Variants in NECAP2 observed in about 807,000 individuals in gnomAD.
NECAP2 encodes adaptin ear-binding coat-associated protein 2.
Under a neutral mutation model 37.8 loss-of-function variants are expected in NECAP2, and 38 were observed. The observed-to-expected ratio is 1.01, with a 90% confidence interval of 0.78 to 1.32. The LOEUF is 1.32. Among genes scored for constraint, NECAP2 ranks in the 40% most tolerant of loss-of-function variants. The pLI is 0.00. For missense variants in NECAP2, 316 were observed against 334.5 expected, an observed-to-expected ratio of 0.94 and a Z score of 0.43; for synonymous variants, 121 against 127.7, an observed-to-expected ratio of 0.95 and a Z score of 0.35.
chr1:16,444,092 C>T (rs554811347), intron 2 of NECAP2, among the ~76,000 whole-genome samples: 7 of 152,264 alleles, frequency 4.6e-5, no homozygotes, highest in Admixed American at 4.6e-4. Flanking sequence ...GCTCTGCTTC[C>T]TACTGAGGAA....
chr1:16,456,902 A>G (rs181820334), intron 7 of NECAP2, among the ~76,000 whole-genome samples: 3 of 152,084 alleles, frequency 2.0e-5, no homozygotes, highest in African/African-American at 7.2e-5. Flanking sequence ...GGGTTTTGCC[A>G]TGTTGCGCAG....
chr1:16,459,002 T>C lies in NECAP2; in HGVS notation c.*112T>C. On this transcript the variant is annotated 3_prime_UTR_variant, in exon 8 of 8. Coordinates refer to ENST00000337132, the MANE Select transcript of NECAP2 (RefSeq NM_018090.5). ...GGCCTGTGTTTGGGGCATGAATCTC[T>C]CCTCTCCTCCTTGTCTGGCTCTGTT... is the stretch of plus-strand genomic sequence containing the variant. The C allele has an allele frequency of 2.5e-6, 4 of 1,586,278 alleles. No individual in the cohort carries two copies. In the African/African-American group the frequency reaches 4.1e-5, roughly 16 times the overall value.
At chr1:16,452,595 GA>G (rs1408677143) in intron 6 of NECAP2, among the ~76,000 whole-genome samples, 1 of 152,110 alleles carries the variant, frequency 6.6e-6, no homozygotes, top group African/African-American at 2.4e-5. Context: ...TGAGTGGTGG[GA>G]AATGAGATTT....
Position 16,453,557 on chromosome 1 carries a change from C to G in NECAP2, c.667+1542C>G, listed in dbSNP as rs916512573. 2.0e-5 allele frequency among the ~76,000 whole-genome samples: 3 copies of G among 152,024 alleles called. 1 individual carries two copies. The South Asian group carries it at 6.2e-4, about 31-fold the overall frequency. ...AGGCTGGAGAGCAGTGGCATGTTCT[C>G]GGCTCACCGCAACCTCCACCTCCTG... On this transcript the variant is annotated intron_variant, in intron 6 of 7. Coordinates refer to ENST00000337132, the MANE Select transcript of NECAP2 (RefSeq NM_018090.5).
chr1:16,457,974 G>A (rs1206128084), intron 7 of NECAP2, among the ~76,000 whole-genome samples: 1 of 152,034 alleles, frequency 6.6e-6, no homozygotes, highest in Non-Finnish European at 1.5e-5. Context: ...GCCTCCCAGA[G>A]TGCTGGGATT....
At chr1:16,454,847 G>A (rs1008217073) in intron 6 of NECAP2, among the ~76,000 whole-genome samples, 4 of 152,102 alleles carry the variant, frequency 2.6e-5, no homozygotes, top group East Asian at 1.9e-4. Context: ...TATTAATATC[G>A]TTATTGCCAC....
At chr1:16,452,222 CCT>C (rs1021658158) in intron 6 of NECAP2, among the ~76,000 whole-genome samples, 1 of 152,228 alleles carries the variant, frequency 6.6e-6, no homozygotes, top group Non-Finnish European at 1.5e-5. Flanking sequence ...TCTGCCCTCC[CCT>C]GAGAGGCCAG....
chr1:16,451,467 A>C (rs2086841304), intron 5 of NECAP2: 1 of 197,470 alleles, frequency 5.1e-6, no homozygotes, highest in Non-Finnish European at 1.0e-5. Flanking sequence ...ATAATTTTTC[A>C]AAGTAGTTTT....
chr1:16,453,109 CT>C (rs977932724), intron 6 of NECAP2, among the ~76,000 whole-genome samples: 641 of 141,180 alleles, frequency 4.5e-3, no homozygotes, highest in African/African-American at 6.2e-3. Flanking sequence ...ATTCTTGTGT[CT>C]TTTTTTTTTT....
At chr1:16,447,827 A>AG (rs762222617) in intron 2 of NECAP2, 43 bp from the exon 3 acceptor site, 1 of 1,543,242 alleles carries the variant, frequency 6.5e-7, no homozygotes, top group Non-Finnish European at 9.0e-7. Flanking sequence ...CTTGGCTGGA[A>AG]GGGGGCTCAG....
In NECAP2 at chr1:16,459,731, A is replaced by G. The variant is rs2086987464; in HGVS notation, c.*841A>G. 1 of 152,210 alleles carries G rather than the reference A, an allele frequency of 6.6e-6. No individual in the cohort carries two copies. The highest frequency in any genetic ancestry group is 2.4e-5 in the African/African-American group (1 of 41,400). 9.4% of individuals were successfully genotyped at this position (152,210 alleles called of 1,614,324 possible). On this transcript the variant is annotated 3_prime_UTR_variant, in exon 8 of 8. Transcript: ENST00000337132. ...TTGTCATGGAGCTGTGGGAGTTGGC[A>G]CTCTGTCTGCTGGTGGCCCTCTCGG...
chr1:16,454,952 A>G (rs279786), intron 6 of NECAP2, among the ~76,000 whole-genome samples: 107,254 of 152,066 alleles, frequency 0.71, 38,206 homozygotes, highest in African/African-American at 0.73. Context: ...TTTAGAGGTA[A>G]GAGAATGGAA....
intron 5 of NECAP2, chr1:16,449,912 G>A: frequency 4.1e-6 from 1 of 242,086 alleles, no homozygotes; most frequent in South Asian, 4.4e-5. Context: ...CCTTTACCTG[G>A]CTGCAAGGGT....
rs765472748 is a variant in NECAP2, at chr1:16,460,004, C to G, written c.*1114C>G. 3 of 152,012 alleles carry G rather than the reference C, an allele frequency of 2.0e-5. No homozygotes were observed. Among genetic ancestry groups the G allele is most frequent in the African/African-American group, 7.3e-5 (3 of 41,368 alleles). 9.4% of individuals were successfully genotyped at this position (152,012 alleles called of 1,614,324 possible). A position where few individuals can be genotyped will look rare whatever the true frequency, so the allele number is the denominator to read the frequency against. ...GATTTCTTCTTTGAAAGGTCAAGAC[C>G]GTGAACTGAAAAAAGTGTTGGCCTT... On this transcript the variant is annotated 3_prime_UTR_variant, in exon 8 of 8. Coordinates refer to ENST00000337132, the MANE Select transcript of NECAP2 (RefSeq NM_018090.5).
intron 7 of NECAP2, 42 bp downstream of exon 7, chr1:16,455,935 C>A: frequency 2.7e-6 from 4 of 1,479,564 alleles, no homozygotes; most frequent in Non-Finnish European, 2.8e-6. Flanking sequence ...GGGCCAGGGC[C>A]GTTGCTCTAC....
chr1:16,448,444 CCA>C, intron 4 of NECAP2: 1 of 428,904 alleles, frequency 2.3e-6, no homozygotes, highest in Non-Finnish European at 4.3e-6. Context: ...GCCTGCTCCT[CCA>C]TGTAATCAAT....
At chr1:16,449,245 G>A in intron 5 of NECAP2, 44 bp downstream of exon 5, 1 of 1,371,990 alleles carries the variant, frequency 7.3e-7, no homozygotes. Flanking sequence ...GATACTTGTG[G>A]CCACCCAGCC....
At chr1:16,446,942 C>A (rs529018941) in intron 2 of NECAP2, among the ~76,000 whole-genome samples, 2 of 152,074 alleles carry the variant, frequency 1.3e-5, no homozygotes, top group African/African-American at 4.8e-5. Context: ...TGCCTGTAAT[C>A]CCAGCTACTT....
intron 7 of NECAP2, among the ~76,000 whole-genome samples, chr1:16,456,147 C>CTGAG (rs935897624): frequency 1.3e-5 from 2 of 151,960 alleles, no homozygotes; most frequent in African/African-American, 4.8e-5. Flanking sequence ...CCTCAGCCTC[C>CTGAG]TGAGTAGCTG....
Sources: allele counts gnomAD v4.1 joint callset (sites outside exome capture counted in the v4.1 genomes callset), GRCh38; gene constraint gnomAD v4.1.1; transcripts MANE v1.5; gene names NCBI Gene and HGNC (gene_info 2026-07-23, HGNC 2026-07-21).